The following RAB22A variants were observed in gnomAD, a reference collection of about 807,000 sequenced individuals.
RAB22A encodes ras-related protein Rab-22A.
RAB22A carries 13 observed loss-of-function variants against 30.2 expected under a neutral mutation model. The observed-to-expected ratio is 0.43, with a 90% CI of 0.28 to 0.68. The LOEUF is 0.68. Among genes scored for constraint, RAB22A ranks in the 30% least tolerant of loss-of-function variants. RAB22A has a pLI of 0.18. For missense variants in RAB22A, 177 were observed against 246.8 expected, an observed-to-expected ratio of 0.72 and a Z score of 1.89; for synonymous variants, 89 against 87.2, an observed-to-expected ratio of 1.02 and a Z score of -0.11.
At chr20:58,353,677 A>G (rs929810992) in intron 5 of RAB22A, 139 bp downstream of exon 5, 1 of 742,540 alleles carries the variant, frequency 1.3e-6, no homozygotes, top group African/African-American at 1.8e-5. Context: ...GGAGTCCTAA[A>G]TTTTTAAACT....
chr20:58,357,243 C>T (rs1987146835), intron 6 of RAB22A, among the ~76,000 whole-genome samples: 1 of 152,190 alleles, frequency 6.6e-6, no homozygotes, highest in Admixed American at 6.5e-5. Context: ...TATATGTTTA[C>T]ATTTGTCGTA....
At chr20:58,322,146 C>G (rs1481516067) in intron 2 of RAB22A, among the ~76,000 whole-genome samples, 2 of 152,202 alleles carry the variant, frequency 1.3e-5, no homozygotes, top group African/African-American at 2.4e-5. Context: ...CATGAAATGT[C>G]TCTCTTTTGT....
In RAB22A at chr20:58,324,391, G is replaced by A. The variant is rs114940385; in HGVS notation, c.116+13269G>A. ...TGTTAAGATTCTATACGGAGACCCC[G>A]TTTTCATTTCTGATATTAGTTTTGC... is the stretch of plus-strand genomic sequence containing the variant. On this transcript the variant is annotated intron_variant, in intron 2 of 6. Coordinates refer to ENST00000244040, the MANE Select transcript of RAB22A (RefSeq NM_020673.3). 9.3e-3 allele frequency among the ~76,000 whole-genome samples: 1,407 copies of A among 151,948 alleles called. 22 individuals carry two copies. The highest frequency in any genetic ancestry group is 0.031 in the Middle Eastern group (9 of 292).
At chr20:58,314,299 A>G (rs1986291358) in intron 2 of RAB22A, among the ~76,000 whole-genome samples, 2 of 152,156 alleles carry the variant, frequency 1.3e-5, no homozygotes, top group African/African-American at 2.4e-5. Flanking sequence ...ACCTGACCTC[A>G]GGTAATCTGC....
chr20:58,321,836 CATCT>C, intron 2 of RAB22A, among the ~76,000 whole-genome samples: 3 of 152,160 alleles, frequency 2.0e-5, no homozygotes, highest in Middle Eastern at 6.8e-3. Flanking sequence ...GGTCTTGCTC[CATCT>C]GTCAGGCTAG....
chr20:58,349,354 T>A (rs1388961192), intron 3 of RAB22A, among the ~76,000 whole-genome samples: 1 of 152,168 alleles, frequency 6.6e-6, no homozygotes, highest in Non-Finnish European at 1.5e-5. Flanking sequence ...AGCAGAAAGC[T>A]TGTGTTGAGT....
chr20:58,326,564 T>TC (rs1261377185), intron 2 of RAB22A, among the ~76,000 whole-genome samples: 2 of 152,184 alleles, frequency 1.3e-5, no homozygotes, highest in African/African-American at 4.8e-5. Context: ...TGTCTATTCC[T>TC]CCCCCTAGTT....
In RAB22A at chr20:58,330,868, A is replaced by C. The variant is rs547327964; in HGVS notation, c.117-12850A>C. 3.6e-4 allele frequency among the ~76,000 whole-genome samples: 55 copies of C among 151,674 alleles called. 1 individual carries two copies. Among genetic ancestry groups the C allele is most frequent in the African/African-American group, 1.3e-3 (54 of 41,326 alleles). On this transcript the variant is annotated intron_variant, in intron 2 of 6. Transcript: ENST00000244040. ...CCTTCCAGCTGTTGCTGTCCATTGG[A>C]CTCCTTGGCATCTCCCCAGTTGCAT...
rs560069437 is a variant in RAB22A, at chr20:58,317,117, A to G, written c.116+5995A>G. On this transcript the variant is annotated intron_variant, in intron 2 of 6. Coordinates refer to ENST00000244040, the MANE Select transcript of RAB22A (RefSeq NM_020673.3). ...TTATTTTATGTATTTATTTTTTGAG[A>G]TGGAGTTTTGCTCTTGTCGCCCAGG... Among the ~76,000 whole-genome samples, 324 of 152,082 alleles carry G rather than the reference A, an allele frequency of 2.1e-3. 1 individual carries two copies. The highest frequency in any genetic ancestry group is 3.6e-3 in the Non-Finnish European group (246 of 67,992).
At chr20:58,353,619 CTTTTA>C (rs1987088114) in intron 5 of RAB22A, 81 bp downstream of exon 5, 3 of 1,193,630 alleles carry the variant, frequency 2.5e-6, no homozygotes, top group East Asian at 5.1e-5. Flanking sequence ...AAGAATCTTG[CTTTTA>C]TTTTATCTCT....
intron 3 of RAB22A, among the ~76,000 whole-genome samples, chr20:58,349,482 C>G (rs1987008224): frequency 6.6e-6 from 1 of 152,072 alleles, no homozygotes; most frequent in Non-Finnish European, 1.5e-5. Context: ...TTTTTTGACC[C>G]CCAAATTGTG....
At chr20:58,342,415 T>C (rs1986870584) in intron 2 of RAB22A, among the ~76,000 whole-genome samples, 1 of 152,242 alleles carries the variant, frequency 6.6e-6, no homozygotes, top group Non-Finnish European at 1.5e-5. Context: ...CAGGAATTCA[T>C]TGTATCAGAG....
chr20:58,345,040 C>T (rs906767440), intron 3 of RAB22A, among the ~76,000 whole-genome samples: 3 of 152,118 alleles, frequency 2.0e-5, no homozygotes, highest in Non-Finnish European at 4.4e-5. Context: ...AGAAGTGTGT[C>T]GCTTACCAGA....
At chr20:58,359,567 T>C (rs1568683485) in intron 6 of RAB22A, 39 bp from the exon 7 acceptor site, 1 of 1,470,298 alleles carries the variant, frequency 6.8e-7, no homozygotes, top group Admixed American at 1.8e-5. Context: ...TCTGAGAAAG[T>C]TAAAGCTCAC....
chr20:58,334,887 C>T (rs892113866), intron 2 of RAB22A, among the ~76,000 whole-genome samples: 1 of 152,000 alleles, frequency 6.6e-6, no homozygotes, highest in African/African-American at 2.4e-5. Context: ...AACTAGAACT[C>T]CATAAATTTC....
intron 2 of RAB22A, among the ~76,000 whole-genome samples, chr20:58,332,575 T>A (rs1986680877): frequency 6.6e-6 from 1 of 152,070 alleles, no homozygotes; most frequent in Non-Finnish European, 1.5e-5. Flanking sequence ...CAAACTGAAA[T>A]GCAAAGAGAA....
intron 2 of RAB22A, among the ~76,000 whole-genome samples, chr20:58,317,391 C>G (rs1478970699): frequency 6.6e-6 from 1 of 151,936 alleles, no homozygotes; most frequent in African/African-American, 2.4e-5. Context: ...GCCGCCGTGC[C>G]TGGCCAACCC....
In RAB22A at chr20:58,360,366, G is replaced by A. The variant is rs997560499; in HGVS notation, c.*663G>A. The A allele has an allele frequency of 1.3e-5, 2 of 152,612 alleles. No individual in the cohort carries two copies. The highest frequency in any genetic ancestry group is 2.9e-5 in the Non-Finnish European group (2 of 68,030). The allele number at this position is 152,612 out of a possible 1,614,324, so 9.5% of individuals were successfully genotyped here. Reference sequence around the variant, plus strand: ...TTGTCATGTGTGTGCCACCAAACACGTTATTGGCACCTTTTTAAATAAGCT... The same window carrying A: ...TTGTCATGTGTGTGCCACCAAACACATTATTGGCACCTTTTTAAATAAGCT... On this transcript the variant is annotated 3_prime_UTR_variant, in exon 7 of 7. Transcript: ENST00000244040.
At chr20:58,329,314 A>G (rs1470578470) in intron 2 of RAB22A, among the ~76,000 whole-genome samples, 1 of 152,140 alleles carries the variant, frequency 6.6e-6, no homozygotes, top group East Asian at 1.9e-4. Flanking sequence ...CAGCATCCCA[A>G]AGTGCTGGGA....
Sources: gnomAD v4.1 joint callset for allele counts (sites outside exome capture counted in the v4.1 genomes callset) on GRCh38, gnomAD v4.1.1 for gene constraint, MANE v1.5 for transcripts, NCBI Gene and HGNC (gene_info 2026-07-23, HGNC 2026-07-21) for gene names.